Variants in ANKRD11 observed in about 807,000 individuals in gnomAD.
ANKRD11 encodes ankyrin repeat domain 11, also known as ankyrin repeat domain-containing protein 11.
ANKRD11 carries 17 observed loss-of-function variants against 195.7 expected under a neutral mutation model. The observed-to-expected ratio is 0.09, with a 90% confidence interval of 0.06 to 0.13. The LOEUF (loss-of-function observed/expected upper bound fraction) is 0.13, where lower values mean the gene tolerates loss of function less well. Among genes scored for constraint, ANKRD11 ranks in the 10% least tolerant of loss-of-function variants. The probability of loss-of-function intolerance (pLI) is 1.00; values close to 1 mark genes in which losing one functional copy is unlikely to be tolerated. For missense variants in ANKRD11, 3,735 were observed against 3,566.1 expected (o/e 1.05, Z -1.21); for synonymous variants, 1,953 against 1,528.1 (o/e 1.28, Z -6.49).
intron 2 of ANKRD11, chr16:89,322,990 C>T: frequency 3.4e-6 from 1 of 295,616 alleles, no homozygotes; most frequent in South Asian, 2.8e-5. Context: ...AGTACAGGCC[C>T]GTGGCACCAT....
intron 2 of ANKRD11, among the ~76,000 whole-genome samples, chr16:89,404,163 C>T (rs1313137442): frequency 6.6e-6 from 1 of 152,118 alleles, no homozygotes; most frequent in Non-Finnish European, 1.5e-5. Context: ...TGGACACAGC[C>T]CACAGGTGGC....
chr16:89,451,588 TG>T (rs970034315), intron 1 of ANKRD11, among the ~76,000 whole-genome samples: 8 of 152,024 alleles, frequency 5.3e-5, no homozygotes, highest in Admixed American at 5.2e-4. Context: ...GGTTAATTTT[TG>T]TATTTTTAGT....
intron 1 of ANKRD11, among the ~76,000 whole-genome samples, chr16:89,464,607 TAAAAAAAAAA>T (rs377695519): frequency 8.6e-6 from 1 of 116,416 alleles, no homozygotes; most frequent in African/African-American, 3.4e-5. Context: ...GACTCCATCT[TAAAAAAAAAA>T]AAAAAAGAAA....
chr16:89,329,225 G>A (rs967026660), intron 2 of ANKRD11, among the ~76,000 whole-genome samples: 1 of 152,214 alleles, frequency 6.6e-6, no homozygotes, highest in African/African-American at 2.4e-5. Flanking sequence ...TGTCGAGGAG[G>A]CTCTAGGACC....
intron 2 of ANKRD11, among the ~76,000 whole-genome samples, chr16:89,414,638 C>T (rs2042222302): frequency 6.6e-6 from 1 of 152,166 alleles, no homozygotes; most frequent in Admixed American, 6.5e-5. Flanking sequence ...GAGACTGAGG[C>T]TCGGAGAGTG....
chr16:89,449,515 C>T (rs973845629), intron 1 of ANKRD11, among the ~76,000 whole-genome samples: 3 of 152,110 alleles, frequency 2.0e-5, no homozygotes, highest in African/African-American at 4.8e-5. Context: ...GTGTGCAGGC[C>T]GGGCGTGGTG....
At position 89,401,124 on chromosome 16, in the gene ANKRD11, T is replaced by C. The variant is rs1305715835; in HGVS notation, c.-60+17160A>G. On this transcript the variant is annotated intron_variant, in intron 2 of 12. Transcript: ENST00000301030. The stretch of plus-strand genomic sequence containing the variant: ...CCCTCCCCCTCCCCAGAGGGAGTCT[T>C]GTTCTGCTGCTCAGGCTGGAGTGCA... Among the ~76,000 whole-genome samples the C allele has an allele frequency of 3.0e-5, 4 of 133,088 alleles. No individual in the cohort carries two copies. In the East Asian group the frequency reaches 8.2e-4, roughly 27 times the overall value. 87.3% of individuals were successfully genotyped at this position (133,088 alleles called of 152,430 possible). A position where few individuals can be genotyped will look rare whatever the true frequency, so the allele number is the denominator to read the frequency against.
intron 1 of ANKRD11, among the ~76,000 whole-genome samples, chr16:89,452,756 G>C (rs35875610): frequency 7.0e-6 from 1 of 142,092 alleles, no homozygotes; most frequent in African/African-American, 2.7e-5. Flanking sequence ...CTCCAGCCTA[G>C]GCAACAGAGA....
intron 2 of ANKRD11, among the ~76,000 whole-genome samples, chr16:89,353,298 C>T (rs1468127078): frequency 6.7e-6 from 1 of 150,336 alleles, no homozygotes; most frequent in Non-Finnish European, 1.5e-5. Flanking sequence ...GCCAAGATGG[C>T]GCCACTGCAC....
rs763100566 is a variant in ANKRD11 at position 89,280,165 on chromosome 16, C to A, written c.6377G>T (p.Gly2126Val). Reference protein sequence around the residue: ...EPVPWADAFAGPEDDLDLGPF... With the variant: ...EPVPWADAFAVPEDDLDLGPF... ...CCCCAGGTCCAGGTCGTCCTCGGGG[C>A]CGGCGAAGGCGTCCGCCCAGGGCAC... The change falls in exon 9 of 13, where the codon GGC becomes GTC. Residue 2126 changes from glycine to valine, a missense_variant. Transcript: ENST00000301030. 8.1e-6 allele frequency: 13 copies of A among 1,609,622 alleles called. No homozygotes were observed. Among genetic ancestry groups the A allele is most frequent in the Non-Finnish European group, 1.1e-5 (13 of 1,178,874 alleles).
chr16:89,362,576 T>C (rs991627559), intron 2 of ANKRD11, among the ~76,000 whole-genome samples: 5 of 152,228 alleles, frequency 3.3e-5, no homozygotes, highest in Non-Finnish European at 7.3e-5. Flanking sequence ...CTTCAAAGAC[T>C]TTCCTCCCCA....
chr16:89,323,843 G>C, intron 2 of ANKRD11: 1 of 232,044 alleles, frequency 4.3e-6, no homozygotes, highest in Non-Finnish European at 8.5e-6. Flanking sequence ...CTGTGCAAAG[G>C]ACTCCTAACA....
chr16:89,280,110 C>G lies in ANKRD11; in HGVS notation c.6432G>C (p.Gln2144His). The part of the protein sequence containing the change: ...GPFSLPELPL[Q>H]TKDAADGEAE... ...CTTCACCATCTGCGGCATCTTTAGT[C>G]TGCAGGGGAAGCTCCGGCAGGGAGA... Residue 2144 changes from glutamine (Q) to histidine (H), a missense_variant, in exon 9 of 13, where the codon CAG (glutamine) becomes CAC (histidine). Coordinates refer to ENST00000301030, the MANE Select transcript of ANKRD11 (RefSeq NM_013275.6). The G allele has an allele frequency of 6.2e-7, 1 of 1,612,958 alleles. No individual in the cohort carries two copies. Among genetic ancestry groups the G allele is most frequent in the Non-Finnish European group, 8.5e-7 (1 of 1,179,836 alleles).
intron 2 of ANKRD11, among the ~76,000 whole-genome samples, chr16:89,342,468 C>A (rs1389493173): frequency 6.6e-6 from 1 of 152,240 alleles, no homozygotes; most frequent in Non-Finnish European, 1.5e-5. Context: ...CCAACAGGAA[C>A]AAGGCAAAGC....
Position 89,279,273 on chromosome 16 carries a change from C to T in ANKRD11, c.7269G>A (p.Lys2423=), listed in dbSNP as rs1422622893. ...QTLAAIVDAI[K]LDAIEPYHSD... ...TGTGGTAGGGCTCGATGGCATCCAG[C>T]TTGATGGCGTCCACGATGGCGGCCA... Residue 2423 remains lysine (K), a synonymous_variant, in exon 9 of 13, where the codon AAG becomes AAA. Coordinates refer to ENST00000301030, the MANE Select transcript of ANKRD11 (RefSeq NM_013275.6). This position sits in a 1 kb window ranked among gnomAD's most constrained non-coding sequence, Gnocchi z 5.6. 1.2e-6 allele frequency: 2 copies of T among 1,611,680 alleles called. No homozygotes were observed. Among genetic ancestry groups the T allele is most frequent in the African/African-American group, 2.7e-5 (2 of 74,858 alleles).
At chr16:89,292,378 T>C (rs763677374) in intron 4 of ANKRD11, among the ~76,000 whole-genome samples, 1 of 152,142 alleles carries the variant, frequency 6.6e-6, no homozygotes, top group Non-Finnish European at 1.5e-5. Flanking sequence ...AACTAGTCTC[T>C]CAGCTCAGCT....
chr16:89,337,173 G>A (rs1336254163), intron 2 of ANKRD11, among the ~76,000 whole-genome samples: 3 of 152,012 alleles, frequency 2.0e-5, no homozygotes, highest in East Asian at 1.9e-4. Context: ...GCAACAGAGT[G>A]AGACCCTGTC....
chr16:89,456,895 T>C (rs1386965505), intron 1 of ANKRD11, among the ~76,000 whole-genome samples: 1 of 151,662 alleles, frequency 6.6e-6, no homozygotes, highest in East Asian at 1.9e-4. Context: ...GTAAATGTGC[T>C]ACAGGCCATG....
chr16:89,460,194 C>T (rs1027680733), intron 1 of ANKRD11, among the ~76,000 whole-genome samples: 7 of 150,398 alleles, frequency 4.7e-5, no homozygotes, highest in African/African-American at 1.5e-4. Context: ...GCTGAGATTG[C>T]GCCACTGCAC....
Sources: gnomAD v4.1 joint callset for allele counts (sites outside exome capture counted in the v4.1 genomes callset) on GRCh38, gnomAD v4.1.1 for gene constraint, Gnocchi (gnomAD v3.1) non-coding constraint, MANE v1.5 for transcripts, NCBI Gene and HGNC (gene_info 2026-07-23, HGNC 2026-07-21) for gene names.